The following BAZ2B variants were observed in gnomAD, a reference collection of about 807,000 sequenced individuals.
The protein encoded by BAZ2B is bromodomain adjacent to zinc finger domain protein 2B.
Under a neutral mutation model 246.0 loss-of-function variants are expected in BAZ2B, and 91 were observed. The ratio of observed to expected loss-of-function variants is 0.37; its 90% CI spans 0.31 to 0.44. The LOEUF is 0.44. BAZ2B is among the 20% of genes least tolerant of loss of function. The pLI is 1.00. For synonymous variants in BAZ2B, 855 were observed against 860.0 expected (o/e 0.99, Z 0.10); for missense variants, 2,332 against 2,533.7 (o/e 0.92, Z 1.71).
At chr2:159,662,181 G>C in the BAZ2B span, among the ~76,000 whole-genome samples, 3 of 152,072 alleles carry the variant, frequency 2.0e-5, no homozygotes, top group Admixed American at 2.0e-4. Context: ...ATTCCTTTTT[G>C]TTGGCCAAAA....
At chr2:159,679,287 A>AAAAAAAAAAAC in the BAZ2B span, among the ~76,000 whole-genome samples, 3 of 139,910 alleles carry the variant, frequency 2.1e-5, no homozygotes, top group Non-Finnish European at 4.6e-5. Flanking sequence ...AAAAAAAAAA[A>AAAAAAAAAAAC]AAAAAAAGAT....
At chr2:159,358,167 G>A (rs1224208581) in intron 27 of BAZ2B, among the ~76,000 whole-genome samples, 2 of 152,170 alleles carry the variant, frequency 1.3e-5, no homozygotes. Context: ...ACACAGACTG[G>A]CAAATTGGAT....
intron 1 of BAZ2B, among the ~76,000 whole-genome samples, chr2:159,577,494 T>C (rs531324822): frequency 6.6e-6 from 1 of 152,228 alleles, no homozygotes; most frequent in Non-Finnish European, 1.5e-5. Context: ...TTGATTTCTT[T>C]AAATAAATTT....
At chr2:159,670,726 T>C in the BAZ2B span, 1 of 152,224 alleles carries the variant, frequency 6.6e-6, no homozygotes, top group Admixed American at 6.5e-5. Context: ...ATGTTCTTCA[T>C]TTGCTTCTGA....
At position 159,429,190 on chromosome 2, in the gene BAZ2B, T is replaced by C. The variant is rs1302278630; in HGVS notation, c.2255+10A>G. On this transcript the variant is annotated intron_variant, in intron 11 of 36. Coordinates refer to ENST00000392783, the MANE Select transcript of BAZ2B (RefSeq NM_013450.4). ...GGGAAAAAGAAAAAGGAAAACCTTA[T>C]TTTGCATACCCATATTCCAATGGAA... The C allele has an allele frequency of 2.0e-6, 3 of 1,518,354 alleles. No individual in the cohort carries two copies. The highest frequency in any genetic ancestry group is 2.8e-5 in the African/African-American group (2 of 72,534). 94.1% of individuals were successfully genotyped at this position (1,518,354 alleles called of 1,614,324 possible).
chr2:159,346,255 C>T (rs2067766015), intron 31 of BAZ2B, among the ~76,000 whole-genome samples: 1 of 152,078 alleles, frequency 6.6e-6, no homozygotes, highest in African/African-American at 2.4e-5. Flanking sequence ...TTTTGAGATC[C>T]TCAAAAGTGT....
the BAZ2B span, among the ~76,000 whole-genome samples, chr2:159,625,192 A>G: frequency 6.6e-6 from 1 of 152,142 alleles, no homozygotes; most frequent in African/African-American, 2.4e-5. Flanking sequence ...AAAAGACCAA[A>G]CCTACATTTG....
intron 2 of BAZ2B, among the ~76,000 whole-genome samples, chr2:159,497,187 T>G (rs1475825665): frequency 6.6e-6 from 1 of 152,016 alleles, no homozygotes; most frequent in African/African-American, 2.4e-5. Context: ...AAATTCGGAG[T>G]AGTGAGAGGG....
intron 9 of BAZ2B, among the ~76,000 whole-genome samples, chr2:159,432,497 T>C (rs1463448089): frequency 1.3e-5 from 2 of 152,192 alleles, no homozygotes; most frequent in African/African-American, 4.8e-5. Flanking sequence ...TTGATGAAAT[T>C]ATGTCTTAAT....
rs1253416042 is a variant in BAZ2B, at chr2:159,389,334, G to A, written c.3216+11C>T. On this transcript the variant is annotated intron_variant, in intron 21 of 36. Coordinates refer to ENST00000392783, the MANE Select transcript of BAZ2B (RefSeq NM_013450.4). ...TTATGAATGAAATGGTGTACATGAC[G>A]TATAAATTACCTTTTGGTCTGCTAA... 2 of 1,573,882 alleles carry A rather than the reference G, an allele frequency of 1.3e-6. No individual in the cohort carries two copies. The highest frequency in any genetic ancestry group is 1.9e-5 in the Admixed American group (1 of 51,572).
chr2:159,377,502 A>G (rs2061522557), intron 25 of BAZ2B, among the ~76,000 whole-genome samples: 4 of 152,180 alleles, frequency 2.6e-5, no homozygotes, highest in African/African-American at 9.7e-5. Context: ...ATTTAACTCT[A>G]TAATTCAACA....
chr2:159,624,122 C>T, the BAZ2B span, among the ~76,000 whole-genome samples: 368 of 152,322 alleles, frequency 2.4e-3, 3 homozygotes, highest in South Asian at 0.017. Context: ...AGCAAGGCCT[C>T]TGTGGCCAGA....
chr2:159,337,903 G>T, intron 31 of BAZ2B, 131 bp from the exon 32 acceptor site: 1 of 830,668 alleles, frequency 1.2e-6, no homozygotes, highest in South Asian at 2.7e-5. Flanking sequence ...TTTACCTTGT[G>T]TTTCCTAAAA....
chr2:159,705,932 G>A, the BAZ2B span, among the ~76,000 whole-genome samples: 1 of 135,672 alleles, frequency 7.4e-6, no homozygotes, highest in Non-Finnish European at 1.7e-5. Flanking sequence ...CAAAAGCAAA[G>A]GCTAAACAAC....
rs143900184 is a variant in BAZ2B, at chr2:159,558,964, C to T, written c.-45-3099G>A. Among the ~76,000 whole-genome samples, 473 of 152,130 alleles carry T rather than the reference C, an allele frequency of 3.1e-3. 4 individuals are homozygous for T. The highest frequency in any genetic ancestry group is 0.011 in the African/African-American group (441 of 41,504). The stretch of plus-strand genomic sequence containing the variant: ...TCAGAAGGTAGCTACATAGGCCAGG[C>T]GCGGGTGGTTCATGCCTGTAATCCC... On this transcript the variant is annotated intron_variant, in intron 1 of 36. Transcript: ENST00000392783.
chr2:159,320,343 A>G lies in BAZ2B; in HGVS notation c.6429T>C (p.Asp2143=), dbSNP rs763786685. ...TGTGGCCAGCTCTGCCTATATCAGA[A>G]TCATCTTCATTAAATGTTTCACAGT... The part of the protein sequence containing the change: ...FDNCETFNED[D]SDIGRAGHNM... Residue 2143 remains aspartate, a synonymous_variant, in exon 37 of 37, where the codon GAT becomes GAC. Transcript: ENST00000392783. The G allele has an allele frequency of 6.3e-7, 1 of 1,584,472 alleles. No homozygotes were observed. Among genetic ancestry groups the G allele is most frequent in the South Asian group, 1.2e-5 (1 of 84,590 alleles).
chr2:159,451,560 T>C (rs2075099028), intron 4 of BAZ2B, among the ~76,000 whole-genome samples: 2 of 152,208 alleles, frequency 1.3e-5, no homozygotes, highest in South Asian at 2.1e-4. Context: ...TATGCTCATC[T>C]AGGCATACTT....
chr2:159,418,428 A>G (rs892604781), intron 13 of BAZ2B, among the ~76,000 whole-genome samples: 1 of 152,172 alleles, frequency 6.6e-6, no homozygotes, highest in Non-Finnish European at 1.5e-5. Context: ...TAAATTGCCC[A>G]ATTAACTGGG....
At chr2:159,644,017 G>A in the BAZ2B span, among the ~76,000 whole-genome samples, 1 of 152,270 alleles carries the variant, frequency 6.6e-6, no homozygotes, top group East Asian at 1.9e-4. Flanking sequence ...GATGAGATGG[G>A]AGGATCTCTT....
Sources: gnomAD v4.1 joint callset for allele counts (sites outside exome capture counted in the v4.1 genomes callset) on GRCh38, gnomAD v4.1.1 for gene constraint, MANE v1.5 for transcripts, NCBI Gene and HGNC (gene_info 2026-07-23, HGNC 2026-07-21) for gene names.